The following LPP variants were observed in gnomAD, a reference collection of about 807,000 sequenced individuals.
LPP encodes lipoma-preferred partner.
A neutral mutation model predicts 60.4 loss-of-function variants in LPP; 38 were observed. The ratio of observed to expected loss-of-function variants is 0.63; its 90% CI spans 0.49 to 0.83. LPP has a LOEUF of 0.83. Ranked by LOEUF, LPP falls within the 40% of genes least tolerant of loss-of-function variation. LPP has a pLI of 0.00. For missense variants in LPP, 902 were observed against 783.6 expected (o/e 1.15, Z -1.80); for synonymous variants, 328 against 290.8 (o/e 1.13, Z -1.30).
chr3:188,527,812 G>C (rs1253114760), intron 6 of LPP, among the ~76,000 whole-genome samples: 1 of 150,802 alleles, frequency 6.6e-6, no homozygotes, highest in Non-Finnish European at 1.5e-5. Flanking sequence ...GCAGTGGTGG[G>C]ATCTCGGCTC....
chr3:188,239,344 TAAAAC>T (rs1723029454), intron 2 of LPP, among the ~76,000 whole-genome samples: 2 of 152,208 alleles, frequency 1.3e-5, no homozygotes, highest in African/African-American at 4.8e-5. Context: ...TCATTTTATT[TAAAAC>T]AAAACAAATG....
chr3:188,727,756 A>T (rs1052091202), intron 8 of LPP, among the ~76,000 whole-genome samples: 1 of 152,180 alleles, frequency 6.6e-6, no homozygotes, highest in Non-Finnish European at 1.5e-5. Flanking sequence ...ACAGGTAAGC[A>T]TTCATATCCG....
intron 4 of LPP, among the ~76,000 whole-genome samples, chr3:188,465,342 C>T (rs1337073540): frequency 3.9e-5 from 6 of 152,058 alleles, no homozygotes; most frequent in South Asian, 2.1e-4. Context: ...ATGAGTAAGT[C>T]GGAACTATTC....
chr3:188,605,086 C>G (rs1168336506), intron 6 of LPP, among the ~76,000 whole-genome samples: 2 of 152,160 alleles, frequency 1.3e-5, no homozygotes, highest in African/African-American at 4.8e-5. Context: ...CATCATTCCC[C>G]TAACCTGTTG....
At chr3:188,732,992 C>T (rs1431887956) in intron 8 of LPP, among the ~76,000 whole-genome samples, 1 of 151,896 alleles carries the variant, frequency 6.6e-6, no homozygotes, top group Non-Finnish European at 1.5e-5. Flanking sequence ...GGGCCAGTAC[C>T]ACTTTGGCAA....
At chr3:188,788,097 C>CT (rs1742515904) in intron 9 of LPP, among the ~76,000 whole-genome samples, 1 of 152,226 alleles carries the variant, frequency 6.6e-6, no homozygotes, top group South Asian at 2.1e-4. Context: ...AGTATCCCCT[C>CT]TTATCCACTT....
chr3:188,650,399 A>T (rs963160919), intron 7 of LPP, among the ~76,000 whole-genome samples: 2 of 152,150 alleles, frequency 1.3e-5, no homozygotes, highest in South Asian at 2.1e-4. Flanking sequence ...GTATCAGATG[A>T]TGTGCTAGCA....
At chr3:188,337,125 C>T (rs573891192) in intron 2 of LPP, among the ~76,000 whole-genome samples, 1 of 152,242 alleles carries the variant, frequency 6.6e-6, no homozygotes, top group Admixed American at 6.5e-5. Flanking sequence ...AAGAGTGGAA[C>T]AGTTGCTGGC....
At chr3:188,730,988 A>G (rs757244237) in intron 8 of LPP, among the ~76,000 whole-genome samples, 2 of 152,172 alleles carry the variant, frequency 1.3e-5, no homozygotes, top group Non-Finnish European at 2.9e-5. Flanking sequence ...ACTTGATTAG[A>G]TATGACCCAC....
At chr3:188,156,562 G>A (rs1053634019) in intron 1 of LPP, among the ~76,000 whole-genome samples, 8 of 152,110 alleles carry the variant, frequency 5.3e-5, no homozygotes, top group African/African-American at 1.7e-4. Flanking sequence ...GGCTTGGCAC[G>A]ATGGCTCAAG....
At chr3:188,767,836 G>T (rs908467796) in intron 9 of LPP, among the ~76,000 whole-genome samples, 1 of 152,116 alleles carries the variant, frequency 6.6e-6, no homozygotes, top group Non-Finnish European at 1.5e-5. Context: ...CAGTGCATAT[G>T]TATTAACTTA....
chr3:188,432,606 G>C (rs1274069588), intron 4 of LPP, among the ~76,000 whole-genome samples: 1 of 151,694 alleles, frequency 6.6e-6, no homozygotes, highest in Non-Finnish European at 1.5e-5. Flanking sequence ...GGTTATCCTT[G>C]TGTTGGGGAG....
At chr3:188,277,309 G>A (rs1018456504) in intron 2 of LPP, among the ~76,000 whole-genome samples, 8 of 152,176 alleles carry the variant, frequency 5.3e-5, no homozygotes, top group Non-Finnish European at 8.8e-5. Flanking sequence ...CCAGGATTCT[G>A]CTGAAGAAAT....
intron 2 of LPP, among the ~76,000 whole-genome samples, chr3:188,230,486 G>C (rs1248484784): frequency 6.6e-6 from 1 of 151,986 alleles, no homozygotes. Context: ...GAAGAGTTGG[G>C]AGAAAGAAAA....
At chr3:188,158,981 G>A (rs1322202941) in intron 1 of LPP, among the ~76,000 whole-genome samples, 4 of 152,182 alleles carry the variant, frequency 2.6e-5, no homozygotes, top group African/African-American at 9.7e-5. Context: ...CTCTTAAGAT[G>A]CTACCTTGGG....
At chr3:188,843,747 A>G (rs993016951) in intron 9 of LPP, among the ~76,000 whole-genome samples, 1 of 136,568 alleles carries the variant, frequency 7.3e-6, no homozygotes, top group Non-Finnish European at 1.5e-5. Context: ...AGATCGCGCC[A>G]CTGCACTCCA....
intron 9 of LPP, among the ~76,000 whole-genome samples, chr3:188,828,824 A>G (rs1756369719): frequency 6.6e-6 from 1 of 152,060 alleles, no homozygotes; most frequent in Non-Finnish European, 1.5e-5. Context: ...CTATAAATAT[A>G]GTGATTGTCA....
intron 4 of LPP, among the ~76,000 whole-genome samples, chr3:188,441,307 C>T (rs1056090852): frequency 3.9e-5 from 6 of 152,058 alleles, no homozygotes; most frequent in South Asian, 2.1e-4. Flanking sequence ...TGTATGCGTG[C>T]GTATGTGTTT....
At chr3:188,484,538 G>A in intron 4 of LPP, 54 bp from the exon 5 acceptor site, 3 of 1,245,058 alleles carry the variant, frequency 2.4e-6, no homozygotes, top group Admixed American at 3.5e-5. Context: ...TATATCACGA[G>A]TACTATAACG....
Sources: gnomAD v4.1 joint callset for allele counts (sites outside exome capture counted in the v4.1 genomes callset) on GRCh38, gnomAD v4.1.1 for gene constraint, MANE v1.5 for transcripts, NCBI Gene and HGNC (gene_info 2026-07-23, HGNC 2026-07-21) for gene names.